The following TGM4 variants were observed in gnomAD, a reference collection of about 807,000 sequenced individuals.
The protein encoded by TGM4 is transglutaminase 4.
In TGM4, 61 loss-of-function variants were observed where a neutral mutation model predicts 76.3. The ratio of observed to expected loss-of-function variants is 0.80; its 90% CI spans 0.65 to 0.99. The LOEUF is 0.99. Among genes scored for constraint, TGM4 ranks in the 50% least tolerant of loss-of-function variants. TGM4 has a pLI of 0.00. For missense variants in TGM4, 794 were observed against 843.2 expected (o/e 0.94, Z 0.72); for synonymous variants, 337 against 329.8 (o/e 1.02, Z -0.24).
intron 4 of TGM4, among the ~76,000 whole-genome samples, chr3:44,892,097 A>C (rs917364249): frequency 6.6e-6 from 1 of 151,800 alleles, no homozygotes; most frequent in African/African-American, 2.4e-5. Context: ...TTTCTACTAA[A>C]AATACAAAAA....
intron 10 of TGM4, among the ~76,000 whole-genome samples, chr3:44,908,208 C>A (rs1332483273): frequency 6.6e-6 from 1 of 152,152 alleles, no homozygotes; most frequent in Non-Finnish European, 1.5e-5. Context: ...CAAACTGGAG[C>A]TCTCCACTTT....
At chr3:44,887,283 T>C (rs1699620606) in intron 2 of TGM4, among the ~76,000 whole-genome samples, 2 of 152,226 alleles carry the variant, frequency 1.3e-5, no homozygotes, top group East Asian at 1.9e-4. Flanking sequence ...GGCGGTGGCA[T>C]CTGCCTCCTC....
At chr3:44,894,583 G>A (rs772034252) in intron 5 of TGM4, among the ~76,000 whole-genome samples, 7 of 151,056 alleles carry the variant, frequency 4.6e-5, no homozygotes, top group Non-Finnish European at 8.8e-5. Context: ...CAATGCCTTC[G>A]TGCAGCCATG....
intron 8 of TGM4, among the ~76,000 whole-genome samples, chr3:44,902,975 C>T (rs569236949): frequency 1.3e-5 from 2 of 152,314 alleles, no homozygotes; most frequent in East Asian, 3.9e-4. Flanking sequence ...ACTGCTGAGA[C>T]GTTCTAGTTC....
Position 44,893,609 on chromosome 3 carries a change from C to T in TGM4, c.463C>T (p.Arg155Cys), listed in dbSNP as rs768382325. The T allele has an allele frequency of 7.0e-5, 113 of 1,613,706 alleles. No individual in the cohort carries two copies. In the Admixed American group the frequency reaches 1.3e-3, roughly 18 times the overall value. The part of the protein sequence containing the change: ...DMVFMPDEDE[R>C]KEYILNDTGC... The stretch of plus-strand genomic sequence containing the variant: ...GGTTTTCATGCCTGATGAGGACGAG[C>T]GCAAAGAGTACATCCTCAATGACAC... The change falls in exon 5 of 14, where the codon CGC becomes TGC. Residue 155 changes from arginine (R) to cysteine (C), a missense_variant. Physicochemically the swap from Arg to Cys is radical, Grantham distance 180. Transcript: ENST00000296125.
intron 6 of TGM4, among the ~76,000 whole-genome samples, chr3:44,897,328 T>C (rs1699794015): frequency 6.6e-6 from 1 of 152,180 alleles, no homozygotes; most frequent in Admixed American, 6.5e-5. Context: ...GAGTCTGAAC[T>C]CCAGCCCTGC....
intron 9 of TGM4, among the ~76,000 whole-genome samples, chr3:44,905,338 C>T (rs1428139180): frequency 1.3e-5 from 2 of 151,732 alleles, no homozygotes; most frequent in Admixed American, 6.6e-5. Flanking sequence ...AAGGAAACTT[C>T]GTGTGCCACC....
chr3:44,876,555 T>C (rs1699454156), intron 1 of TGM4: 2 of 152,188 alleles, frequency 1.3e-5, no homozygotes, highest in African/African-American at 4.8e-5. Flanking sequence ...GGTTAGTATT[T>C]AGAGAAAAAC....
intron 4 of TGM4, among the ~76,000 whole-genome samples, chr3:44,892,674 C>T (rs115117449): frequency 0.021 from 3,255 of 152,264 alleles, 52 homozygotes; most frequent in Non-Finnish European, 0.032. Flanking sequence ...CCCAGCCGGT[C>T]ACTTGATTTT....
Position 44,901,608 on chromosome 3 carries a change from G to C in TGM4, c.742G>C (p.Gly248Arg), listed in dbSNP as rs754836903. 3.1e-6 allele frequency: 5 copies of C among 1,614,186 alleles called. No homozygotes were observed. The South Asian group carries it at 5.5e-5, about 18-fold the overall frequency. ...EGGTAPYKWT[G>R]SAPILQQYYN... is the part of the protein sequence containing the mutation. ...TGGCACAGCCCCATACAAGTGGACA[G>C]GCAGTGCCCCGATCCTGCAGCAGTA... Residue 248 changes from glycine (G) to arginine (R), a missense_variant, in exon 7 of 14, where the codon GGC (glycine) becomes CGC (arginine). Gly to Arg is a moderately radical substitution (Grantham distance 125). Coordinates refer to ENST00000296125, the MANE Select transcript of TGM4 (RefSeq NM_003241.4).
At chr3:44,888,732 A>G (rs1699646819) in intron 3 of TGM4, 1 of 152,156 alleles carries the variant, frequency 6.6e-6, no homozygotes, top group Admixed American at 6.5e-5. Flanking sequence ...ATTTTTACAT[A>G]TGAATACAGC....
Position 44,911,041 on chromosome 3 carries a change from T to C in TGM4, c.1690T>C (p.Phe564Leu). The change falls in exon 12 of 14, where the codon TTC becomes CTC. Residue 564 changes from phenylalanine (F) to leucine (L), a missense_variant. Phe to Leu is a conservative substitution (Grantham distance 22). Coordinates refer to ENST00000296125, the MANE Select transcript of TGM4 (RefSeq NM_003241.4). ...AGATGATGAGCCAGTTATCAGAGGT[T>C]TCATCATTGCGGAAATTGTGGAGTC... The part of the protein sequence containing the change: ...ILDDEPVIRG[F>L]IIAEIVESKE... The C allele has an allele frequency of 6.2e-7, 1 of 1,614,164 alleles. No individual in the cohort carries two copies. The highest frequency in any genetic ancestry group is 8.5e-7 in the Non-Finnish European group (1 of 1,180,018).
Position 44,912,548 on chromosome 3 carries a change from T to C in TGM4, c.1914-1036T>C, listed in dbSNP as rs115674587. 6.6e-3 allele frequency among the ~76,000 whole-genome samples: 999 copies of C among 152,346 alleles called. 11 individuals are homozygous for C. Among genetic ancestry groups the C allele is most frequent in the African/African-American group, 0.023 (962 of 41,586 alleles). ...ATTATCATATCTACATATTGATATG[T>C]ATTAGGCAAATCCCCACCCCACCCC... On this transcript the variant is annotated intron_variant, in intron 13 of 13. Transcript: ENST00000296125.
chr3:44,904,111 A>T (rs1699891294), intron 9 of TGM4, 124 bp downstream of exon 9: 1 of 792,376 alleles, frequency 1.3e-6, no homozygotes, highest in Admixed American at 2.3e-5. Flanking sequence ...TTCCCAAAAC[A>T]AAAAGCATGC....
Position 44,913,876 on chromosome 3 carries a change from C to T in TGM4, c.*151C>T, listed in dbSNP as rs936667955. On this transcript the variant is annotated 3_prime_UTR_variant, in exon 14 of 14. Transcript: ENST00000296125. Reference sequence around the variant, plus strand: ...AAAAGGCCAACACAACCATAAGCAGCCAGACCCACAAGGCCAGGTCCTGTG... The same window carrying T: ...AAAAGGCCAACACAACCATAAGCAGTCAGACCCACAAGGCCAGGTCCTGTG... 3.7e-6 allele frequency: 4 copies of T among 1,084,116 alleles called. No homozygotes were observed. In the Admixed American group the frequency reaches 1.0e-4, roughly 27 times the overall value. 67.2% of individuals were successfully genotyped at this position (1,084,116 alleles called of 1,614,324 possible).
At chr3:44,903,819 G>C in intron 8 of TGM4, 65 bp from the exon 9 acceptor site, 1 of 1,433,674 alleles carries the variant, frequency 7.0e-7, no homozygotes. Flanking sequence ...GGCAATTTTG[G>C]CGTATTTATC....
intron 1 of TGM4, among the ~76,000 whole-genome samples, chr3:44,875,120 A>G (rs1353288138): frequency 5.9e-5 from 9 of 152,232 alleles, no homozygotes; most frequent in Admixed American, 5.9e-4. Flanking sequence ...TCTCTTACGT[A>G]ACCAATACAA....
intron 8 of TGM4, 33 bp downstream of exon 8, chr3:44,901,964 CCTT>C (rs1488010603): frequency 5.6e-6 from 9 of 1,599,804 alleles, no homozygotes; most frequent in East Asian, 2.2e-5. Context: ...TGCCCTGTCT[CCTT>C]CTCCCAGGAA....
intron 1 of TGM4, among the ~76,000 whole-genome samples, chr3:44,884,183 C>G (rs1271280747): frequency 3.9e-4 from 59 of 152,304 alleles, no homozygotes; most frequent in Non-Finnish European, 5.9e-5. Flanking sequence ...AACATAGAGG[C>G]TCAGCCCCAC....
Sources: gnomAD v4.1 joint callset for allele counts (sites outside exome capture counted in the v4.1 genomes callset) on GRCh38, gnomAD v4.1.1 for gene constraint, MANE v1.5 for transcripts, NCBI Gene and HGNC (gene_info 2026-07-23, HGNC 2026-07-21) for gene names.